The following THBS4 variants were observed in gnomAD, a reference collection of about 807,000 sequenced individuals.
THBS4 encodes the protein thrombospondin 4.
A neutral mutation model predicts 115.7 loss-of-function variants in THBS4; 90 were observed. The ratio of observed to expected loss-of-function variants is 0.78; its 90% confidence interval spans 0.66 to 0.93. The LOEUF (loss-of-function observed/expected upper bound fraction) is 0.93. Ranked by LOEUF, THBS4 falls within the 40% of genes least tolerant of loss-of-function variation. The pLI is 0.00. For synonymous variants in THBS4, 460 were observed against 479.3 expected (o/e 0.96, Z 0.53); for missense variants, 1,087 against 1,232.7 (o/e 0.88, Z 1.77).
rs70982017 is a variant in THBS4 at position 80,047,634 on chromosome 5, T to TATA, written c.292+7354_292+7355insATA. ...ACCAGTCTGGGTAAAAAATTAAGAA[T>TATA]TTTTTTTTTTTTTTTTTGAGACAGA... On this transcript the variant is annotated intron_variant, in intron 2 of 21. Coordinates refer to ENST00000350881, the MANE Select transcript of THBS4 (RefSeq NM_003248.6). Among the ~76,000 whole-genome samples the TATA allele has an allele frequency of 2.7e-4, 37 of 139,176 alleles. 1 individual carries two copies. Among genetic ancestry groups the TATA allele is most frequent in the Non-Finnish European group, 4.2e-4 (27 of 63,678 alleles). The allele number at this position is 139,176 out of a possible 152,430, so 91.3% of individuals were successfully genotyped here. A position where few individuals can be genotyped will look rare whatever the true frequency, so the allele number is the denominator to read the frequency against.
intron 16 of THBS4, among the ~76,000 whole-genome samples, chr5:80,077,530 T>C (rs957479676): frequency 2.6e-5 from 4 of 152,262 alleles, no homozygotes; most frequent in East Asian, 3.9e-4. Flanking sequence ...GCAGGGAGTG[T>C]TGGGGACTGA....
chr5:80,077,108 G>T, intron 16 of THBS4, 60 bp downstream of exon 16: 2 of 1,448,578 alleles, frequency 1.4e-6, no homozygotes, highest in Non-Finnish European at 1.8e-6. Flanking sequence ...CCAGGCACAT[G>T]GGGGCACGCC....
At chr5:80,012,613 C>G (rs1263879895) in intron 2 of THBS4, among the ~76,000 whole-genome samples, 1 of 152,138 alleles carries the variant, frequency 6.6e-6, no homozygotes, top group Non-Finnish European at 1.5e-5. Context: ...CTCAGGGCTT[C>G]TCACTTTTCC....
At chr5:80,075,944 CCT>C (rs1310220752) in intron 15 of THBS4, 1 of 152,264 alleles carries the variant, frequency 6.6e-6, no homozygotes, top group Non-Finnish European at 1.5e-5. Flanking sequence ...CCCTGGCTTC[CCT>C]CTCCAAAAGG....
At chr5:80,057,969 GCTGT>G (rs1289915353) in intron 3 of THBS4, among the ~76,000 whole-genome samples, 1 of 152,268 alleles carries the variant, frequency 6.6e-6, no homozygotes, top group East Asian at 1.9e-4. Context: ...CGTTTTCTCA[GCTGT>G]CTTGGTGACA....
intron 12 of THBS4, 81 bp downstream of exon 12, chr5:80,070,831 A>G (rs1561323822): frequency 2.4e-5 from 37 of 1,571,424 alleles, no homozygotes; most frequent in Non-Finnish European, 3.0e-5. Flanking sequence ...AACTATGTAT[A>G]TGAATCATCC....
chr5:80,083,208 C>A lies in THBS4; in HGVS notation c.*67C>A, dbSNP rs1020280837. 2 of 1,436,332 alleles carry A rather than the reference C, an allele frequency of 1.4e-6. No individual in the cohort carries two copies. The highest frequency in any genetic ancestry group is 2.8e-5 in the African/African-American group (2 of 71,106). The allele number at this position is 1,436,332 out of a possible 1,614,324, so 89.0% of individuals were successfully genotyped here. A position where few individuals can be genotyped will look rare whatever the true frequency, so the allele number is the denominator to read the frequency against. On this transcript the variant is annotated 3_prime_UTR_variant, in exon 22 of 22. Coordinates refer to ENST00000350881, the MANE Select transcript of THBS4 (RefSeq NM_003248.6). ...CCATATATATTTTAACTTCAATTTT[C>A]TTTAGCTTTTACCAACCCAAATATA...
intron 7 of THBS4, 26 bp from the exon 8 acceptor site, chr5:80,061,667 TAA>T: frequency 6.3e-7 from 1 of 1,587,632 alleles, no homozygotes; most frequent in Non-Finnish European, 8.6e-7. Flanking sequence ...TCGGTGTGGC[TAA>T]AGACTTTGAA....
chr5:80,070,841 C>A, intron 12 of THBS4, 91 bp downstream of exon 12: 1 of 1,560,684 alleles, frequency 6.4e-7, no homozygotes, highest in South Asian at 1.1e-5. Context: ...ATGAATCATC[C>A]CAAATGTTAG....
chr5:80,006,395 A>G (rs958918327), intron 2 of THBS4, among the ~76,000 whole-genome samples: 1 of 152,216 alleles, frequency 6.6e-6, no homozygotes, highest in African/African-American at 2.4e-5. Flanking sequence ...TTGTGTCGTC[A>G]TTCTCTCTTT....
At chr5:79,998,512 T>G (rs1362586582) in intron 2 of THBS4, 3 of 152,824 alleles carry the variant, frequency 2.0e-5, no homozygotes, top group Non-Finnish European at 2.9e-5. Flanking sequence ...CTAATAAAGG[T>G]GACCTTATAA....
chr5:80,032,452 T>A (rs922263450), upstream of THBS4, among the ~76,000 whole-genome samples: 1 of 152,172 alleles, frequency 6.6e-6, no homozygotes, highest in East Asian at 1.9e-4. Flanking sequence ...AAGGGGAGTT[T>A]ATTAAGGAGT....
chr5:80,003,423 G>A (rs563531688), intron 2 of THBS4, among the ~76,000 whole-genome samples: 1 of 152,208 alleles, frequency 6.6e-6, no homozygotes, highest in South Asian at 2.1e-4. Flanking sequence ...TGAGCTTTTG[G>A]AAGGGTTAGG....
intron 17 of THBS4, among the ~76,000 whole-genome samples, chr5:80,078,548 A>G (rs972362125): frequency 2.6e-5 from 4 of 152,170 alleles, no homozygotes; most frequent in African/African-American, 7.2e-5. Flanking sequence ...TGCCTTCTGC[A>G]TATCCTCCTC....
At chr5:79,992,313 G>T (rs372223007) in intron 1 of THBS4, among the ~76,000 whole-genome samples, 4 of 152,234 alleles carry the variant, frequency 2.6e-5, no homozygotes, top group Middle Eastern at 6.8e-3. Context: ...GGACACCCTC[G>T]CAGTCATGCC....
intron 17 of THBS4, among the ~76,000 whole-genome samples, chr5:80,078,643 T>C (rs1743337754): frequency 6.6e-6 from 1 of 152,204 alleles, no homozygotes; most frequent in South Asian, 2.1e-4. Flanking sequence ...TAGAAGTATA[T>C]GTTGTATGCT....
intron 13 of THBS4, among the ~76,000 whole-genome samples, chr5:80,071,533 G>A (rs1257890328): frequency 6.6e-6 from 1 of 152,130 alleles, no homozygotes; most frequent in Non-Finnish European, 1.5e-5. Context: ...AGACCCAGAA[G>A]TGGAGAACTG....
intron 2 of THBS4, among the ~76,000 whole-genome samples, chr5:80,023,566 T>G (rs1832420256): frequency 6.6e-6 from 1 of 152,222 alleles, no homozygotes; most frequent in Non-Finnish European, 1.5e-5. Context: ...TGATAATAGA[T>G]TAACAAACTC....
rs1238300273 is a variant in THBS4, at chr5:80,059,889, G to A, written c.971G>A (p.Cys324Tyr). 2 of 1,613,880 alleles carry A rather than the reference G, an allele frequency of 1.2e-6. No homozygotes were observed. The highest frequency in any genetic ancestry group is 1.7e-5 in the Admixed American group (1 of 59,996). ...GGCTACACAGGAAACGGGATCACCT[G>A]TATTGATGTTGATGAGGTAAAAGTT... ...PEGYTGNGITCIDVDECKYHP... is the reference protein window; with the variant it reads ...PEGYTGNGITYIDVDECKYHP... The change falls in exon 7 of 22, where the codon TGT (cysteine) becomes TAT (tyrosine). Residue 324 changes from cysteine to tyrosine, a missense_variant. Physicochemically the swap from Cys to Tyr is radical, Grantham distance 194. Transcript: ENST00000350881.
Sources: gnomAD v4.1 joint callset for allele counts (sites outside exome capture counted in the v4.1 genomes callset) on GRCh38, gnomAD v4.1.1 for gene constraint, MANE v1.5 for transcripts, NCBI Gene and HGNC (gene_info 2026-07-23, HGNC 2026-07-21) for gene names.